CUL1: variants seen among roughly 807,000 people sequenced by gnomAD.
CUL1 encodes cullin 1, also known as cullin-1.
Under a neutral mutation model 118.0 loss-of-function variants are expected in CUL1, and 24 were observed. That is an observed-to-expected ratio of 0.20 (90% CI 0.15 to 0.29). CUL1 has a LOEUF of 0.29. CUL1 is among the 10% of genes least tolerant of loss of function. The pLI is 1.00. For synonymous variants in CUL1, 332 were observed against 340.4 expected, an observed-to-expected ratio of 0.98 and a Z score of 0.27; for missense variants, 361 against 933.8, an observed-to-expected ratio of 0.39 and a Z score of 7.99.
intron 9 of CUL1, among the ~76,000 whole-genome samples, chr7:148,769,449 A>AC (rs1554471386): frequency 0.016 from 2,098 of 132,622 alleles, 39 homozygotes; most frequent in Admixed American, 0.024. Context: ...ACACACACAC[A>AC]AAACGCTCAC....
At chr7:148,769,297 G>A (rs1364986191) in intron 9 of CUL1, among the ~76,000 whole-genome samples, 1 of 151,868 alleles carries the variant, frequency 6.6e-6, no homozygotes, top group African/African-American at 2.4e-5. Context: ...ACGTTCTTAT[G>A]AGTACACATA....
intron 1 of CUL1, among the ~76,000 whole-genome samples, chr7:148,729,358 CATGTACCTAT>C (rs1798682021): frequency 1.3e-5 from 2 of 152,178 alleles, no homozygotes; most frequent in African/African-American, 4.8e-5. Flanking sequence ...CCCAGTAGCA[CATGTACCTAT>C]CTAGTAGATG....
chr7:148,736,572 G>A (rs992626938), intron 2 of CUL1, among the ~76,000 whole-genome samples: 14 of 152,138 alleles, frequency 9.2e-5, no homozygotes, highest in Non-Finnish European at 5.9e-5. Context: ...CAAAGTTGTG[G>A]GGTTATAGGC....
At chr7:148,790,497 T>C (rs1319935782) in intron 16 of CUL1, 56 bp downstream of exon 16, 2 of 1,469,412 alleles carry the variant, frequency 1.4e-6, no homozygotes, top group East Asian at 2.3e-5. Flanking sequence ...ATAAGGCAAA[T>C]TATGGAAATC....
At chr7:148,707,505 A>AT (rs573634260) in intron 1 of CUL1, among the ~76,000 whole-genome samples, 26 of 150,604 alleles carry the variant, frequency 1.7e-4, no homozygotes, top group African/African-American at 4.1e-4. Context: ...TTAAATAATA[A>AT]TTTTTTTTTT....
chr7:148,789,840 T>C lies in CUL1; in HGVS notation c.1674+14T>C. ...TTGCCGTCAGAGGTAAGGATGGGTT[T>C]GTCTGCCATCCCATTAGTGCTAAGT... is the stretch of plus-strand genomic sequence containing the variant. On this transcript the variant is annotated intron_variant, in intron 15 of 21. Coordinates refer to ENST00000325222, the MANE Select transcript of CUL1 (RefSeq NM_003592.3). The C allele has an allele frequency of 2.5e-6, 4 of 1,612,016 alleles. No individual in the cohort carries two copies. Among genetic ancestry groups the C allele is most frequent in the Non-Finnish European group, 3.4e-6 (4 of 1,178,078 alleles).
Position 148,800,620 on chromosome 7 carries a change from A to G in CUL1, c.*38A>G. The G allele has an allele frequency of 6.7e-7, 1 of 1,488,366 alleles. No homozygotes were observed. The highest frequency in any genetic ancestry group is 9.3e-7 in the Non-Finnish European group (1 of 1,069,692). The allele number at this position is 1,488,366 out of a possible 1,614,324, so 92.2% of individuals were successfully genotyped here. ...GGTCTGACTGTGTGACCCGCAGCAA[A>G]TAGTTCATGTTGGAAAGAATGAAAA... is the stretch of plus-strand genomic sequence containing the variant. On this transcript the variant is annotated 3_prime_UTR_variant, in exon 22 of 22. Coordinates refer to ENST00000325222, the MANE Select transcript of CUL1 (RefSeq NM_003592.3). This position sits in a 1 kb window ranked among gnomAD's most constrained non-coding sequence, Gnocchi z 4.6.
intron 9 of CUL1, among the ~76,000 whole-genome samples, chr7:148,769,375 A>G (rs1010020326): frequency 2.0e-5 from 3 of 148,032 alleles, no homozygotes; most frequent in African/African-American, 5.0e-5. Flanking sequence ...TCCAAGCTAA[A>G]TGTTCCTTTA....
At chr7:148,701,299 T>A (rs1384668624) in intron 1 of CUL1, among the ~76,000 whole-genome samples, 1 of 152,162 alleles carries the variant, frequency 6.6e-6, no homozygotes, top group Non-Finnish European at 1.5e-5. Context: ...AAATTGATCG[T>A]CTCTCTCATC....
chr7:148,759,154 G>A, intron 4 of CUL1, 150 bp from the exon 5 acceptor site: 1 of 672,246 alleles, frequency 1.5e-6, no homozygotes, highest in South Asian at 1.9e-5. Flanking sequence ...CTAGAGAGTG[G>A]CTTTCTGCTT....
chr7:148,726,889 G>A (rs1234165241), intron 1 of CUL1, among the ~76,000 whole-genome samples: 1 of 151,232 alleles, frequency 6.6e-6, no homozygotes, highest in Non-Finnish European at 1.5e-5. Context: ...GTCCTAACCT[G>A]TAGTCCCAGT....
rs1193882837 is a variant in CUL1 at position 148,778,083 on chromosome 7, AAAAAAAAAAAAAAAG to A, written c.1084-5697_1084-5683del. ...AAGACCCTGTCTCAAAAAAAAAAAA[AAAAAAAAAAAAAAAG>A]AAGAAGAAGAAGAATGAGGAAAGAG... is the stretch of plus-strand genomic sequence containing the variant. On this transcript the variant is annotated intron_variant, in intron 9 of 21. Coordinates refer to ENST00000325222, the MANE Select transcript of CUL1 (RefSeq NM_003592.3). Among the ~76,000 whole-genome samples, 21 of 140,374 alleles carry A rather than the reference AAAAAAAAAAAAAAAG, an allele frequency of 1.5e-4. 1 individual carries two copies. Among genetic ancestry groups the A allele is most frequent in the East Asian group, 8.1e-4 (4 of 4,922 alleles). 92.1% of individuals were successfully genotyped at this position (140,374 alleles called of 152,430 possible). A position where few individuals can be genotyped will look rare whatever the true frequency, so the allele number is the denominator to read the frequency against.
chr7:148,704,483 CAA>C (rs914448600), intron 1 of CUL1, among the ~76,000 whole-genome samples: 8 of 151,548 alleles, frequency 5.3e-5, no homozygotes, highest in African/African-American at 1.7e-4. Context: ...TAAGAAAATA[CAA>C]AAAAAATGAC....
At chr7:148,777,815 C>T (rs1371771086) in intron 9 of CUL1, among the ~76,000 whole-genome samples, 1 of 151,746 alleles carries the variant, frequency 6.6e-6, no homozygotes, top group Non-Finnish European at 1.5e-5. Context: ...CCTGTAATCC[C>T]AGCATTTTGG....
At chr7:148,727,483 C>T (rs1798625210) in intron 1 of CUL1, among the ~76,000 whole-genome samples, 1 of 152,074 alleles carries the variant, frequency 6.6e-6, no homozygotes. Context: ...AGCGGCATGC[C>T]AGGCTCTGTA....
chr7:148,790,372 G>C lies in CUL1; in HGVS notation c.1737G>C (p.Leu579Phe). Residue 579 changes from leucine (L) to phenylalanine (F), a missense_variant, in exon 16 of 22, where the codon TTG (leucine) becomes TTC (phenylalanine). Physicochemically the swap from Leu to Phe is conservative, Grantham distance 22 (BLOSUM62 0). Transcript: ENST00000325222. Reference protein sequence around the residue: ...FYASRHSGRKLTWLYQLSKGE... With the variant: ...FYASRHSGRKFTWLYQLSKGE... ...CCAGCCGCCACAGTGGCCGAAAATT[G>C]ACGTGGTTATATCAGTTGTCTAAAG... The C allele has an allele frequency of 6.2e-7, 1 of 1,614,118 alleles. No homozygotes were observed. The highest frequency in any genetic ancestry group is 8.5e-7 in the Non-Finnish European group (1 of 1,179,976).
At position 148,746,750 on chromosome 7, in the gene CUL1, A is replaced by G. The variant is rs78026377; in HGVS notation, c.141-7226A>G. 7.4e-3 allele frequency among the ~76,000 whole-genome samples: 1,123 copies of G among 152,334 alleles called. 11 individuals carry two copies. Among genetic ancestry groups the G allele is most frequent in the Non-Finnish European group, 0.011 (721 of 68,030 alleles). On this transcript the variant is annotated intron_variant, in intron 2 of 21. Coordinates refer to ENST00000325222, the MANE Select transcript of CUL1 (RefSeq NM_003592.3). ...GTGATTCTTTAGTAAGTAAAAGTAA[A>G]AATTCCATCTGATGAAAATGCATTC... is the stretch of plus-strand genomic sequence containing the variant.
chr7:148,778,070 CAAA>C (rs1203417069), intron 9 of CUL1, among the ~76,000 whole-genome samples: 3 of 13,788 alleles, frequency 2.2e-4, no homozygotes, highest in South Asian at 3.8e-3. Context: ...GACCCTGTCT[CAAA>C]AAAAAAAAAA....
intron 20 of CUL1, 63 bp downstream of exon 20, chr7:148,798,740 CG>C: frequency 2.2e-6 from 3 of 1,360,270 alleles, no homozygotes; most frequent in Non-Finnish European, 3.2e-6. Context: ...CTCGCAAGGA[CG>C]GGCCGTGGGG....
Sources: gnomAD v4.1 joint callset for allele counts (sites outside exome capture counted in the v4.1 genomes callset) on GRCh38, gnomAD v4.1.1 for gene constraint, Gnocchi (gnomAD v3.1) non-coding constraint, MANE v1.5 for transcripts, NCBI Gene and HGNC (gene_info 2026-07-23, HGNC 2026-07-21) for gene names.